DLG2: variants seen among roughly 807,000 people sequenced by gnomAD.
DLG2 encodes the protein discs large MAGUK scaffold protein 2.
DLG2 carries 45 observed loss-of-function variants against 132.5 expected under a neutral mutation model. The ratio of observed to expected loss-of-function variants is 0.34; its 90% CI spans 0.27 to 0.44. The LOEUF is 0.44. Ranked by LOEUF, DLG2 falls within the 20% of genes least tolerant of loss-of-function variation. DLG2 has a pLI of 1.00. For missense variants in DLG2, 1,045 were observed against 1,196.9 expected (o/e 0.87, Z 1.87); for synonymous variants, 424 against 419.6 (o/e 1.01, Z -0.13).
chr11:83,775,442 T>A (rs1425420182), intron 18 of DLG2, among the ~76,000 whole-genome samples: 2 of 152,212 alleles, frequency 1.3e-5, no homozygotes, highest in African/African-American at 4.8e-5. Flanking sequence ...TTTCTGTGTC[T>A]CAGTTTCCTC....
At chr11:84,103,505 C>T (rs933393911) in intron 9 of DLG2, among the ~76,000 whole-genome samples, 2 of 152,126 alleles carry the variant, frequency 1.3e-5, no homozygotes, top group African/African-American at 4.8e-5. Context: ...CTGGTAAGGG[C>T]AGACCCTGTA....
intron 19 of DLG2, among the ~76,000 whole-genome samples, chr11:83,558,820 A>T (rs1266756660): frequency 2.0e-5 from 3 of 147,944 alleles, no homozygotes; most frequent in African/African-American, 7.6e-5. Context: ...TTAACTACCT[A>T]CTCCCGGTAA....
intron 3 of DLG2, among the ~76,000 whole-genome samples, chr11:85,507,144 T>G (rs981963088): frequency 1.3e-5 from 2 of 152,188 alleles, no homozygotes; most frequent in African/African-American, 2.4e-5. Flanking sequence ...AGCACATTGA[T>G]GGGTCTTGAC....
intron 3 of DLG2, among the ~76,000 whole-genome samples, chr11:85,359,804 G>A (rs1168217729): frequency 6.6e-6 from 1 of 152,094 alleles, no homozygotes; most frequent in Admixed American, 6.6e-5. Flanking sequence ...GTACTACAGA[G>A]GAGTAGAATA....
At chr11:85,471,148 A>G (rs1242848247) in intron 3 of DLG2, among the ~76,000 whole-genome samples, 1 of 152,210 alleles carries the variant, frequency 6.6e-6, no homozygotes, top group Non-Finnish European at 1.5e-5. Context: ...AGTTCCTGGT[A>G]CATGTAGAAT....
intron 9 of DLG2, among the ~76,000 whole-genome samples, chr11:84,127,751 C>T (rs2094243273): frequency 6.6e-6 from 1 of 152,178 alleles, no homozygotes; most frequent in African/African-American, 2.4e-5. Flanking sequence ...TTTGCCTTCA[C>T]ATGGTGTTCT....
At chr11:84,854,706 C>T (rs927957504) in intron 6 of DLG2, among the ~76,000 whole-genome samples, 1 of 151,938 alleles carries the variant, frequency 6.6e-6, no homozygotes, top group Admixed American at 6.6e-5. Flanking sequence ...TCTGTCCCTG[C>T]CCAAAATGCC....
chr11:85,568,112 A>G (rs757004607), intron 3 of DLG2, among the ~76,000 whole-genome samples: 1 of 149,986 alleles, frequency 6.7e-6, no homozygotes. Flanking sequence ...CCTCCCAGGT[A>G]CAAGTGATTC....
chr11:85,542,992 T>C (rs1320190945), intron 3 of DLG2, among the ~76,000 whole-genome samples: 1 of 151,788 alleles, frequency 6.6e-6, no homozygotes, highest in East Asian at 1.9e-4. Context: ...ATTGATTCTC[T>C]TTTTTTTAAT....
rs1433206033 is a variant in DLG2, at chr11:84,245,342, G to A, written c.573+5896C>T. ...ATTGAAAGCACTCTGTAAAAATGTTGCTGATATTATATGATATTATAATTG... is the reference window on the plus strand; with the variant it reads ...ATTGAAAGCACTCTGTAAAAATGTTACTGATATTATATGATATTATAATTG... On this transcript the variant is annotated intron_variant, in intron 8 of 27. Transcript: ENST00000376104. Among the ~76,000 whole-genome samples, 2 of 152,032 alleles carry A rather than the reference G, an allele frequency of 1.3e-5. 1 individual carries two copies. The highest frequency in any genetic ancestry group is 4.1e-4 in the South Asian group (2 of 4,822).
At chr11:83,492,686 C>A (rs564713956) in intron 21 of DLG2, among the ~76,000 whole-genome samples, 1 of 152,158 alleles carries the variant, frequency 6.6e-6, no homozygotes, top group African/African-American at 2.4e-5. Context: ...TGCAAACTTG[C>A]AGGGACGCCT....
At chr11:84,721,997 A>G (rs2153798837) in intron 6 of DLG2, among the ~76,000 whole-genome samples, 1 of 152,310 alleles carries the variant, frequency 6.6e-6, no homozygotes, top group African/African-American at 2.4e-5. Context: ...TTCTAGGGGA[A>G]GAAACTGAGC....
intron 6 of DLG2, among the ~76,000 whole-genome samples, chr11:84,773,395 G>T (rs1311261478): frequency 6.6e-6 from 1 of 152,014 alleles, no homozygotes; most frequent in Admixed American, 6.6e-5. Flanking sequence ...AAGATTTCAA[G>T]AAGAGACTCC....
rs576462940 is a variant in DLG2, at chr11:83,766,621, T to C, written c.1825+20069A>G. 2.0e-5 allele frequency among the ~76,000 whole-genome samples: 3 copies of C among 152,234 alleles called. No individual in the cohort carries two copies. In the East Asian group the frequency reaches 5.8e-4, roughly 29 times the overall value. On this transcript the variant is annotated intron_variant, in intron 18 of 27. Transcript: ENST00000376104. ...GTTATCTTTTCTAACAAACTGCCTG[T>C]TAATTTGTGGGAATGCTTCTGAGTC... is the stretch of plus-strand genomic sequence containing the variant.
intron 17 of DLG2, among the ~76,000 whole-genome samples, chr11:83,823,578 G>T (rs775392208): frequency 1.3e-5 from 2 of 152,102 alleles, no homozygotes; most frequent in East Asian, 1.9e-4. Context: ...TGGCCAGAGC[G>T]CGAGATGAAT....
At chr11:85,172,814 G>A (rs1231147765) in intron 4 of DLG2, among the ~76,000 whole-genome samples, 1 of 152,008 alleles carries the variant, frequency 6.6e-6, no homozygotes, top group Non-Finnish European at 1.5e-5. Context: ...ACACAAGAAT[G>A]TTACAATGCG....
intron 3 of DLG2, among the ~76,000 whole-genome samples, chr11:85,468,759 G>A (rs996321863): frequency 3.9e-5 from 6 of 152,152 alleles, no homozygotes; most frequent in African/African-American, 1.4e-4. Context: ...GAATAGGTGT[G>A]GTGTGGTGCT....
In DLG2 at chr11:85,111,664, A is replaced by G; in HGVS notation, c.354T>C (p.Cys118=). The G allele has an allele frequency of 6.4e-7, 1 of 1,558,814 alleles. No individual in the cohort carries two copies. ...EAPAWMPVHH[C]TKYRYQDEDA... Reference sequence around the variant, plus strand: ...ATCTTGGAATAATCAAACTTACAGTACAGTGGTGGACAGGCATCCAAGCAG... The same window carrying G: ...ATCTTGGAATAATCAAACTTACAGTGCAGTGGTGGACAGGCATCCAAGCAG... Residue 118 remains cysteine (C), a synonymous_variant, in exon 6 of 28, where the codon TGT becomes TGC. Coordinates refer to ENST00000376104, the MANE Select transcript of DLG2 (RefSeq NM_001142699.3).
At chr11:85,131,813 G>C (rs2075733188) in intron 5 of DLG2, among the ~76,000 whole-genome samples, 1 of 150,632 alleles carries the variant, frequency 6.6e-6, no homozygotes, top group Admixed American at 6.6e-5. Context: ...GTGGTAAAAG[G>C]AGATCACAAT....
Sources: gnomAD v4.1 joint callset for allele counts (sites outside exome capture counted in the v4.1 genomes callset) on GRCh38, gnomAD v4.1.1 for gene constraint, MANE v1.5 for transcripts, NCBI Gene and HGNC (gene_info 2026-07-23, HGNC 2026-07-21) for gene names.